Variants in PKP2 observed in about 807,000 individuals in gnomAD.
PKP2 encodes the protein plakophilin 2.
A neutral mutation model predicts 83.4 loss-of-function variants in PKP2; 73 were observed. That is an observed-to-expected ratio of 0.88 (90% confidence interval 0.72 to 1.06). The LOEUF (loss-of-function observed/expected upper bound fraction) is 1.06. Ranked by LOEUF, PKP2 falls within the 50% of genes least tolerant of loss-of-function variation. PKP2 has a pLI of 0.00. For synonymous variants in PKP2, 409 were observed against 430.4 expected (o/e 0.95, Z 0.62); for missense variants, 966 against 1,065.4 (o/e 0.91, Z 1.30).
intron 8 of PKP2, 120 bp from the exon 9 acceptor site, chr12:32,821,649 C>A: frequency 2.2e-6 from 2 of 916,188 alleles, no homozygotes; most frequent in Admixed American, 2.3e-5. Flanking sequence ...ATAAGAAGCC[C>A]TTGAAATAGA....
intron 11 of PKP2, 45 bp from the exon 12 acceptor site, chr12:32,792,776 C>G (rs754405019): frequency 2.0e-6 from 3 of 1,464,596 alleles, no homozygotes; most frequent in Admixed American, 3.3e-5. Context: ...ATGAGTGAGG[C>G]TTCTGGATGC....
chr12:32,814,722 G>A (rs1263460327), intron 9 of PKP2, among the ~76,000 whole-genome samples: 3 of 152,052 alleles, frequency 2.0e-5, no homozygotes, highest in Non-Finnish European at 2.9e-5. Flanking sequence ...TCAGGAGTTC[G>A]AGACCAGCCT....
chr12:32,799,822 G>T (rs932947277), intron 10 of PKP2, among the ~76,000 whole-genome samples: 4 of 152,106 alleles, frequency 2.6e-5, no homozygotes, highest in Admixed American at 6.6e-5. Flanking sequence ...ACTACACATT[G>T]GGTACAGTGT....
intron 11 of PKP2, among the ~76,000 whole-genome samples, chr12:32,795,044 A>G (rs1050282297): frequency 6.6e-6 from 1 of 152,248 alleles, no homozygotes; most frequent in Non-Finnish European, 1.5e-5. Flanking sequence ...GGTTATTTAC[A>G]AAAGTAACAT....
At chr12:32,882,555 T>C (rs976587828) in intron 1 of PKP2, among the ~76,000 whole-genome samples, 2 of 152,182 alleles carry the variant, frequency 1.3e-5, no homozygotes, top group Non-Finnish European at 2.9e-5. Flanking sequence ...TCCTATCAAA[T>C]AGCTAATTAA....
chr12:32,862,176 C>T (rs111453405), intron 4 of PKP2, among the ~76,000 whole-genome samples: 21,567 of 152,038 alleles, frequency 0.14, 1,786 homozygotes, highest in African/African-American at 0.2. Context: ...GGATTACAGG[C>T]GTGAGCCACC....
At chr12:32,873,062 C>G (rs1956907440) in intron 3 of PKP2, among the ~76,000 whole-genome samples, 2 of 152,140 alleles carry the variant, frequency 1.3e-5, no homozygotes, top group African/African-American at 4.8e-5. Flanking sequence ...TCTGCTTAGT[C>G]TCCCTCAACT....
At chr12:32,830,347 T>G (rs1306275522) in intron 6 of PKP2, among the ~76,000 whole-genome samples, 1 of 152,216 alleles carries the variant, frequency 6.6e-6, no homozygotes, top group Non-Finnish European at 1.5e-5. Context: ...TCATTTGAAC[T>G]GGCAGAGGAA....
At chr12:32,893,836 T>C (rs1014447342) in intron 1 of PKP2, 3 of 152,042 alleles carry the variant, frequency 2.0e-5, no homozygotes, top group African/African-American at 7.2e-5. Context: ...CACCTCCCTA[T>C]GTCCAGTCCT....
chr12:32,856,345 A>T (rs891957041), intron 4 of PKP2, among the ~76,000 whole-genome samples: 3 of 152,166 alleles, frequency 2.0e-5, no homozygotes, highest in Non-Finnish European at 4.4e-5. Context: ...AAGAATGGAG[A>T]CAGGGATGTT....
chr12:32,888,182 T>A (rs548376953), intron 1 of PKP2, among the ~76,000 whole-genome samples: 1 of 152,174 alleles, frequency 6.6e-6, no homozygotes, highest in African/African-American at 2.4e-5. Flanking sequence ...CATGAATGAA[T>A]GAATGAATAC....
chr12:32,813,159 A>G (rs1175726813), intron 9 of PKP2, among the ~76,000 whole-genome samples: 2 of 152,206 alleles, frequency 1.3e-5, no homozygotes, highest in South Asian at 2.1e-4. Context: ...AAACAAACAT[A>G]AAACAAAAAT....
Position 32,845,569 on chromosome 12 carries a change from T to A in PKP2, c.1379-4364A>T, listed in dbSNP as rs185914833. 7.9e-5 allele frequency among the ~76,000 whole-genome samples: 12 copies of A among 151,926 alleles called. No individual in the cohort carries two copies. In the East Asian group the frequency reaches 1.9e-3, roughly 24 times the overall value. ...TCCGTCTCAAAAAAATAAATAAAAA[T>A]AATAATAAAAAAATTAATGACCTCT... On this transcript the variant is annotated intron_variant, in intron 5 of 12. Transcript: ENST00000340811.
At chr12:32,811,241 A>C (rs1242761836) in intron 9 of PKP2, among the ~76,000 whole-genome samples, 1 of 152,212 alleles carries the variant, frequency 6.6e-6, no homozygotes, top group Non-Finnish European at 1.5e-5. Flanking sequence ...CACCCCACTT[A>C]TGTATGCCTG....
At chr12:32,843,498 G>T (rs146347235) in intron 5 of PKP2, among the ~76,000 whole-genome samples, 80 of 152,290 alleles carry the variant, frequency 5.3e-4, no homozygotes, top group African/African-American at 1.9e-3. Context: ...AACACATTAG[G>T]CTTCATGCAG....
chr12:32,811,731 C>T (rs1044279278), intron 9 of PKP2, among the ~76,000 whole-genome samples: 12 of 152,184 alleles, frequency 7.9e-5, no homozygotes, highest in Admixed American at 6.5e-5. Flanking sequence ...AGAACTTCAG[C>T]GGTGTATCCT....
intron 6 of PKP2, among the ~76,000 whole-genome samples, chr12:32,833,181 T>C (rs1956515639): frequency 6.6e-6 from 1 of 152,206 alleles, no homozygotes; most frequent in Non-Finnish European, 1.5e-5. Flanking sequence ...AGGCAGAGGT[T>C]GCAGTGACCT....
intron 6 of PKP2, among the ~76,000 whole-genome samples, chr12:32,838,703 G>C (rs1029123297): frequency 2.0e-5 from 3 of 152,048 alleles, no homozygotes; most frequent in Non-Finnish European, 4.4e-5. Flanking sequence ...TGAAAACTTT[G>C]CTAAGTGTCA....
chr12:32,823,112 T>G (rs991773771), intron 7 of PKP2, among the ~76,000 whole-genome samples: 1 of 152,116 alleles, frequency 6.6e-6, no homozygotes, highest in Non-Finnish European at 1.5e-5. Context: ...TGGATGGTGA[T>G]GATTATTAAG....
Sources: allele counts gnomAD v4.1 joint callset (sites outside exome capture counted in the v4.1 genomes callset), GRCh38; gene constraint gnomAD v4.1.1; transcripts MANE v1.5; gene names NCBI Gene and HGNC (gene_info 2026-07-23, HGNC 2026-07-21).